The following CC2D1B variants were observed in gnomAD, a reference collection of about 807,000 sequenced individuals.
CC2D1B encodes coiled-coil and C2 domain containing 1B.
Under a neutral mutation model 110.8 loss-of-function variants are expected in CC2D1B, and 92 were observed. That is an observed-to-expected ratio of 0.83 (90% confidence interval 0.70 to 0.99). CC2D1B has a LOEUF of 0.99. CC2D1B is among the 50% of genes least tolerant of loss of function. The pLI, the probability that CC2D1B is intolerant of heterozygous loss-of-function variation, is 0.00. For missense variants in CC2D1B, 1,136 were observed against 1,089.0 expected (o/e 1.04, Z -0.61); for synonymous variants, 406 against 429.2 (o/e 0.95, Z 0.67).
intron 16 of CC2D1B, 137 bp downstream of exon 16, chr1:52,356,864 C>A: frequency 9.8e-7 from 1 of 1,018,982 alleles, no homozygotes. Flanking sequence ...GAAGAAAGTG[C>A]CTTGCCCAAG....
At chr1:52,358,153 G>C in intron 13 of CC2D1B, 178 bp downstream of exon 13, 1 of 970,840 alleles carries the variant, frequency 1.0e-6, no homozygotes, top group Non-Finnish European at 1.5e-6. Flanking sequence ...GAAAGACCTT[G>C]GTTTGAATCC....
intron 3 of CC2D1B, among the ~76,000 whole-genome samples, chr1:52,362,144 G>T (rs1253836990): frequency 6.6e-6 from 1 of 152,184 alleles, no homozygotes; most frequent in African/African-American, 2.4e-5. Context: ...ACAGGATGGT[G>T]GGGGATGAGT....
At chr1:52,354,352 G>A (rs570034762) in intron 23 of CC2D1B, 68 of 667,364 alleles carry the variant, frequency 1.0e-4, no homozygotes, top group South Asian at 3.6e-4. Context: ...AGGCAAGGTC[G>A]TATAGTCCTT....
intron 2 of CC2D1B, among the ~76,000 whole-genome samples, chr1:52,364,069 G>A (rs140880318): frequency 9.8e-5 from 15 of 152,336 alleles, no homozygotes; most frequent in African/African-American, 3.6e-4. Flanking sequence ...TGCGACTTGA[G>A]TCTATGCCCT....
chr1:52,353,649 T>C lies in CC2D1B; in HGVS notation c.2431-2A>G, dbSNP rs1247449036. ...GGTGGGCTTCCTTCCATCCAGGACC[T>C]GTGAGGACCACAGAGAGGGAAATGG... On this transcript the variant is annotated splice_acceptor_variant, in intron 23 of 24. Transcript: ENST00000284376. LOFTEE classifies it high-confidence loss of function. 3 of 1,594,368 alleles carry C rather than the reference T, an allele frequency of 1.9e-6. No individual in the cohort carries two copies. The African/African-American group carries it at 4.0e-5, about 21-fold the overall frequency.
In CC2D1B at chr1:52,356,406, C is replaced by T. The variant is rs767799110; in HGVS notation, c.1915G>A (p.Gly639Ser). Residue 639 changes from glycine to serine, a missense_variant, in exon 17 of 25, where the codon GGC becomes AGC. Gly to Ser is a moderately conservative substitution (Grantham distance 56). Coordinates refer to ENST00000284376, the MANE Select transcript of CC2D1B (RefSeq NM_001330585.2). ...LLFSKQFMHQGNVAETTRFEK... is the reference protein window; with the variant it reads ...LLFSKQFMHQSNVAETTRFEK... ...TACCGGGTGGTCTCAGCCACGTTGC[C>T]CTGGTGCATGAACTGCTTGGAGAAC... 13 of 1,614,134 alleles carry T rather than the reference C, an allele frequency of 8.1e-6. No individual in the cohort carries two copies. The highest frequency in any genetic ancestry group is 1.7e-6 in the Non-Finnish European group (2 of 1,180,052).
Position 52,354,886 on chromosome 1 carries a change from T to C in CC2D1B, c.2293A>G (p.Arg765Gly). Residue 765 changes from arginine (R) to glycine (G), a missense_variant, in exon 22 of 25, where the codon AGG becomes GGG. Coordinates refer to ENST00000284376, the MANE Select transcript of CC2D1B (RefSeq NM_001330585.2). ...NINRNHRGFK[R>G]VIQSKGIKFE... ...TTGATGCCTTTGCTCTGGATCACCC[T>C]CTTGAAGCCCCGGTGGTTTCGGTTG... 6.2e-7 allele frequency: 1 copy of C among 1,614,208 alleles called. No homozygotes were observed. The highest frequency in any genetic ancestry group is 8.5e-7 in the Non-Finnish European group (1 of 1,180,038).
At position 52,359,295 on chromosome 1, in the gene CC2D1B, C is replaced by T. The variant is rs1410449476; in HGVS notation, c.1081G>A (p.Glu361Lys). ...GGGGCCATCACTGGCTGCACTCGCT[C>T]CACGGCTGGGGGAATGACTGAGGGT... ...TAPSVIPPAV[E>K]RVQPVMAPDV... The change falls in exon 10 of 25, where the codon GAG becomes AAG. Residue 361 changes from glutamate to lysine, a missense_variant. By Grantham distance (56) the Glu-to-Lys change is moderately conservative. Transcript: ENST00000284376. 2 of 1,613,392 alleles carry T rather than the reference C, an allele frequency of 1.2e-6. No homozygotes were observed. Among genetic ancestry groups the T allele is most frequent in the Non-Finnish European group, 1.7e-6 (2 of 1,179,786 alleles).
intron 19 of CC2D1B, 39 bp from the exon 20 acceptor site, chr1:52,355,705 C>T (rs1168793140): frequency 1.9e-6 from 3 of 1,613,796 alleles, no homozygotes; most frequent in East Asian, 2.2e-5. Context: ...GAGGGAGTGG[C>T]CAGGAGCCTA....
intron 13 of CC2D1B, 83 bp from the exon 14 acceptor site, chr1:52,357,981 AAC>A: frequency 6.6e-7 from 1 of 1,506,372 alleles, no homozygotes; most frequent in African/African-American, 1.4e-5. Context: ...CTGTCTTCCT[AAC>A]ACTGTACTAC....
At chr1:52,363,394 C>CAA (rs60279244) in intron 2 of CC2D1B, among the ~76,000 whole-genome samples, 10 of 56,080 alleles carry the variant, frequency 1.8e-4, no homozygotes, top group South Asian at 1.2e-3. Flanking sequence ...GACTCCGTCT[C>CAA]AAAAAAAAAA....
At position 52,354,596 on chromosome 1, in the gene CC2D1B, C is replaced by G; in HGVS notation, c.2430+12G>C. The stretch of plus-strand genomic sequence containing the variant: ...ACCAACCCCTTTGGCTTGCCCACAC[C>G]CCAGCCCCTACCTCCACAATTTCTC... On this transcript the variant is annotated intron_variant, in intron 23 of 24. Transcript: ENST00000284376. 1 of 1,613,208 alleles carries G rather than the reference C, an allele frequency of 6.2e-7. No individual in the cohort carries two copies. Among genetic ancestry groups the G allele is most frequent in the Non-Finnish European group, 8.5e-7 (1 of 1,179,128 alleles).
intron 23 of CC2D1B, 78 bp downstream of exon 23, chr1:52,354,530 A>G: frequency 8.4e-7 from 1 of 1,185,692 alleles, no homozygotes; most frequent in Non-Finnish European, 1.3e-6. Context: ...ACGAAAACCT[A>G]CAACAAGGTG....
rs1646604851 is a variant in CC2D1B at position 52,354,650 on chromosome 1, C to G, written c.2388G>C (p.Leu796=). The G allele has an allele frequency of 6.2e-7, 1 of 1,614,112 alleles. No homozygotes were observed. The highest frequency in any genetic ancestry group is 1.7e-5 in the Admixed American group (1 of 60,010). ...DKLVGTAHLK[L]ERLENECEIR... is the part of the protein sequence containing the mutation. ...TCTCACACTCATTCTCCAGCCGCTC[C>G]AGTTTCAGGTGTGCTGTGCCAACCA... Residue 796 remains leucine (L), a synonymous_variant, in exon 23 of 25, where the codon CTG becomes CTC. Transcript: ENST00000284376.
chr1:52,365,673 C>T (rs561393165), intron 1 of CC2D1B, among the ~76,000 whole-genome samples: 7 of 152,282 alleles, frequency 4.6e-5, no homozygotes, highest in Non-Finnish European at 7.4e-5. Flanking sequence ...TTTCAGAAAC[C>T]CCATTCTGGC....
Position 52,354,711 on chromosome 1 carries a change from G to A in CC2D1B, c.2340-13C>T, listed in dbSNP as rs1164474657. The A allele has an allele frequency of 1.2e-6, 2 of 1,613,830 alleles. No individual in the cohort carries two copies. Among genetic ancestry groups the A allele is most frequent in the Non-Finnish European group, 1.7e-6 (2 of 1,179,684 alleles). On this transcript the variant is annotated splice_polypyrimidine_tract_variant and intron_variant, in intron 22 of 24. Transcript: ENST00000284376. The stretch of plus-strand genomic sequence containing the variant: ...TCTGAAGAAGGACCTGGGGAGTCAA[G>A]AGGCAGCAGAGGATTGGACTGGGCA...
chr1:52,358,285 C>T, intron 13 of CC2D1B, 46 bp downstream of exon 13: 1 of 1,595,208 alleles, frequency 6.3e-7, no homozygotes, highest in Non-Finnish European at 8.5e-7. Flanking sequence ...TTACCCCTCA[C>T]CTGCTATTCT....
At position 52,355,677 on chromosome 1, in the gene CC2D1B, G is replaced by A. The variant is rs776215306; in HGVS notation, c.2129-11C>T. 4 of 1,614,064 alleles carry A rather than the reference G, an allele frequency of 2.5e-6. No individual in the cohort carries two copies. The highest frequency in any genetic ancestry group is 3.4e-6 in the Non-Finnish European group (4 of 1,180,030). ...CATCGGGAGTCACCCCTGGGAAGGAGAAAAGGGAGTCAAGTCAGAGGGAGT... is the reference window on the plus strand; with the variant it reads ...CATCGGGAGTCACCCCTGGGAAGGAAAAAAGGGAGTCAAGTCAGAGGGAGT... On this transcript the variant is annotated splice_polypyrimidine_tract_variant and intron_variant, in intron 19 of 24. Transcript: ENST00000284376.
At chr1:52,360,689 A>G (rs1054410143) in intron 5 of CC2D1B, 140 bp from the exon 6 acceptor site, 1 of 1,305,908 alleles carries the variant, frequency 7.7e-7, no homozygotes, top group African/African-American at 1.5e-5. Flanking sequence ...GGCAGGAAGC[A>G]AAGGCTCACT....
Sources: gnomAD v4.1 joint callset for allele counts (sites outside exome capture counted in the v4.1 genomes callset) on GRCh38, gnomAD v4.1.1 for gene constraint, MANE v1.5 for transcripts, NCBI Gene and HGNC (gene_info 2026-07-23, HGNC 2026-07-21) for gene names.